SBDS: variants seen among roughly 807,000 people sequenced by gnomAD.
SBDS encodes the protein ribosome maturation protein SBDS.
Under a neutral mutation model 26.4 loss-of-function variants are expected in SBDS, and 20 were observed. That is an observed-to-expected ratio of 0.76 (90% CI 0.53 to 1.10). SBDS has a LOEUF of 1.10. SBDS is among the 50% of genes least tolerant of loss of function. The pLI is 0.00. For missense variants in SBDS, 241 were observed against 302.0 expected (o/e 0.80, Z 1.50); for synonymous variants, 95 against 105.1 (o/e 0.90, Z 0.59).
chr7:66,993,113 A>G, intron 3 of SBDS, 104 bp downstream of exon 3: 1 of 1,050,626 alleles, frequency 9.5e-7, no homozygotes, highest in Non-Finnish European at 1.5e-6. Context: ...CTAGGATTAC[A>G]GGCATGAACC....
intron 1 of SBDS, among the ~76,000 whole-genome samples, chr7:66,994,555 C>T (rs558479858): frequency 2.0e-5 from 3 of 151,278 alleles, no homozygotes; most frequent in African/African-American, 4.9e-5. Context: ...AGTGCAATGG[C>T]GCGATCTCGG....
In SBDS at chr7:66,992,156, G is replaced by T. The variant is rs144862187; in HGVS notation, c.460-855C>A. 1.7e-4 allele frequency among the ~76,000 whole-genome samples: 26 copies of T among 152,338 alleles called. 1 individual carries two copies. The highest frequency in any genetic ancestry group is 6.0e-4 in the African/African-American group (25 of 41,574). Reference sequence around the variant, plus strand: ...AACAAAATGTGTTTCTTTCCGTACAGTGGGCTATTATTCCGGCATAAAAAA... The same window carrying T: ...AACAAAATGTGTTTCTTTCCGTACATTGGGCTATTATTCCGGCATAAAAAA... On this transcript the variant is annotated intron_variant, in intron 3 of 4. Transcript: ENST00000246868.
Position 66,993,337 on chromosome 7 carries a change from A to G in SBDS, c.339T>C (p.Thr113=), listed in dbSNP as rs201668348. ...GATTCACACATTTGTCTGCCACAAT[A>G]GTTGCAATGTCCCTAAACATCTGCT... ...QLEQMFRDIA[T]IVADKCVNPE... is the part of the protein sequence containing the mutation. The change falls in exon 3 of 5, where the codon ACT becomes ACC. Residue 113 remains threonine (T), a synonymous_variant. Coordinates refer to ENST00000246868, the MANE Select transcript of SBDS (RefSeq NM_016038.4). 496 of 1,614,056 alleles carry G rather than the reference A, an allele frequency of 3.1e-4. 1 individual carries two copies. The highest frequency in any genetic ancestry group is 3.1e-5 in the Non-Finnish European group (37 of 1,179,912).
chr7:66,992,442 A>G (rs751000428), intron 3 of SBDS, among the ~76,000 whole-genome samples: 13 of 152,178 alleles, frequency 8.5e-5, no homozygotes, highest in Non-Finnish European at 2.9e-5. Context: ...AAGTGTACAT[A>G]CTTTATGAGT....
chr7:66,990,758 T>C (rs1792959426), intron 4 of SBDS, among the ~76,000 whole-genome samples: 1 of 152,208 alleles, frequency 6.6e-6, no homozygotes, highest in African/African-American at 2.4e-5. Context: ...GGCTCACGCC[T>C]GTAATCCCTG....
At chr7:66,990,604 GTTGCTAAAT>G (rs1792953821) in intron 4 of SBDS, among the ~76,000 whole-genome samples, 2 of 152,092 alleles carry the variant, frequency 1.3e-5, no homozygotes, top group African/African-American at 2.4e-5. Context: ...ATTTTAAATA[GTTGCTAAAT>G]TTGCTAAAAT....
At position 66,987,711 on chromosome 7, in the gene SBDS, T is replaced by G. The variant is rs549869974; in HGVS notation, c.*660A>C. 1.2e-5 allele frequency: 2 copies of G among 167,700 alleles called. No homozygotes were observed. Among genetic ancestry groups the G allele is most frequent in the African/African-American group, 2.4e-5 (1 of 42,002 alleles). 10.4% of individuals were successfully genotyped at this position (167,700 alleles called of 1,614,324 possible). A position where few individuals can be genotyped will look rare whatever the true frequency, so the allele number is the denominator to read the frequency against. ...AACACAAGCCATAGTTTAATAAACA[T>G]AAGAGTGGTTTTATTGATTACATAC... On this transcript the variant is annotated 3_prime_UTR_variant, in exon 5 of 5. Coordinates refer to ENST00000246868, the MANE Select transcript of SBDS (RefSeq NM_016038.4).
chr7:66,988,246 C>G lies in SBDS; in HGVS notation c.*125G>C. 1 of 1,053,530 alleles carries G rather than the reference C, an allele frequency of 9.5e-7. No individual in the cohort carries two copies. Among genetic ancestry groups the G allele is most frequent in the Middle Eastern group, 2.0e-4 (1 of 4,884 alleles). The allele number at this position is 1,053,530 out of a possible 1,614,324, so 65.3% of individuals were successfully genotyped here. A position where few individuals can be genotyped will look rare whatever the true frequency, so the allele number is the denominator to read the frequency against. ...ATGTAGGAAAGCCTTGCTGTGTCCA[C>G]TGTTAACACAAAGATAGAAAATGTC... On this transcript the variant is annotated 3_prime_UTR_variant, in exon 5 of 5. Transcript: ENST00000246868.
At chr7:66,993,863 A>G (rs2129232379) in intron 2 of SBDS, among the ~76,000 whole-genome samples, 1 of 152,044 alleles carries the variant, frequency 6.6e-6, no homozygotes, top group Non-Finnish European at 1.5e-5. Flanking sequence ...TGGGCAACAG[A>G]GCAAGACTCT....
intron 3 of SBDS, among the ~76,000 whole-genome samples, chr7:66,992,696 A>T (rs1410829442): frequency 1.3e-5 from 2 of 151,910 alleles, no homozygotes; most frequent in African/African-American, 4.8e-5. Flanking sequence ...CATTTTTTTA[A>T]ATTTAATTTT....
At chr7:66,991,802 G>A (rs1792982062) in intron 3 of SBDS, among the ~76,000 whole-genome samples, 1 of 152,122 alleles carries the variant, frequency 6.6e-6, no homozygotes, top group African/African-American at 2.4e-5. Flanking sequence ...GAAGACAGAC[G>A]AGGCACCAAT....
At chr7:66,992,631 G>A (rs1241071338) in intron 3 of SBDS, among the ~76,000 whole-genome samples, 1 of 150,624 alleles carries the variant, frequency 6.6e-6, no homozygotes, top group Admixed American at 6.6e-5. Context: ...TTACAACCCC[G>A]TCCTTTTCCT....
intron 1 of SBDS, among the ~76,000 whole-genome samples, chr7:66,994,820 G>A (rs1017549370): frequency 1.3e-5 from 2 of 152,136 alleles, no homozygotes; most frequent in African/African-American, 4.8e-5. Flanking sequence ...GTCATGGGAG[G>A]ACGTAAGAAA....
intron 4 of SBDS, among the ~76,000 whole-genome samples, chr7:66,988,915 G>A (rs1421303376): frequency 6.6e-6 from 1 of 151,900 alleles, no homozygotes; most frequent in Non-Finnish European, 1.5e-5. Flanking sequence ...TTTTTTTTGA[G>A]ATAGAGTGCA....
At chr7:66,990,703 G>T (rs1584435243) in intron 4 of SBDS, among the ~76,000 whole-genome samples, 1 of 152,102 alleles carries the variant, frequency 6.6e-6, no homozygotes, top group Admixed American at 6.6e-5. Context: ...GGTAAACAAG[G>T]CTGACCAACC....
In SBDS at chr7:66,992,501, G is replaced by GT. The variant is rs1054017385; in HGVS notation, c.459+715_459+716insA. On this transcript the variant is annotated intron_variant, in intron 3 of 4. Transcript: ENST00000246868. ...ATATATAAATTAAAAAATTCAAAAAGAAGTGTTAAAATGACCCTTTAAAAA... is the reference window on the plus strand; with the variant it reads ...ATATATAAATTAAAAAATTCAAAAAGTAAGTGTTAAAATGACCCTTTAAAAA... Among the ~76,000 whole-genome samples, 31 of 151,900 alleles carry GT rather than the reference G, an allele frequency of 2.0e-4. 1 individual carries two copies. The highest frequency in any genetic ancestry group is 7.5e-4 in the African/African-American group (31 of 41,438).
chr7:66,994,678 G>C (rs1793058219), intron 1 of SBDS, among the ~76,000 whole-genome samples: 1 of 152,186 alleles, frequency 6.6e-6, no homozygotes, highest in Non-Finnish European at 1.5e-5. Context: ...ATTTTTAGTA[G>C]AGATGGGGTT....
intron 2 of SBDS, 88 bp downstream of exon 2, chr7:66,994,124 T>G (rs1011914990): frequency 2.1e-4 from 278 of 1,327,280 alleles, no homozygotes; most frequent in Non-Finnish European, 2.9e-4. Context: ...TAGTCTTTCC[T>G]CCAGAAAAAC....
chr7:66,995,545 C>A lies in SBDS; in HGVS notation c.-128G>T. On this transcript the variant is annotated 5_prime_UTR_variant, in exon 1 of 5. Coordinates refer to ENST00000246868, the MANE Select transcript of SBDS (RefSeq NM_016038.4). ...CACTGACCCAACCACCAGTGCGCGGCGCCGCGACTCACTAGCTTCAGGCAG... is the reference window on the plus strand; with the variant it reads ...CACTGACCCAACCACCAGTGCGCGGAGCCGCGACTCACTAGCTTCAGGCAG... 2 of 1,367,480 alleles carry A rather than the reference C, an allele frequency of 1.5e-6. No homozygotes were observed. Among genetic ancestry groups the A allele is most frequent in the Non-Finnish European group, 2.0e-6 (2 of 983,098 alleles). The allele number at this position is 1,367,480 out of a possible 1,614,324, so 84.7% of individuals were successfully genotyped here.
Sources: allele counts gnomAD v4.1 joint callset (sites outside exome capture counted in the v4.1 genomes callset), GRCh38; gene constraint gnomAD v4.1.1; transcripts MANE v1.5; gene names NCBI Gene and HGNC (gene_info 2026-07-23, HGNC 2026-07-21).